The following COL26A1 variants were observed in gnomAD, a reference collection of about 807,000 sequenced individuals.
COL26A1 encodes collagen type XXVI alpha 1 chain.
Under a neutral mutation model 59.3 loss-of-function variants are expected in COL26A1, and 41 were observed. The ratio of observed to expected loss-of-function variants is 0.69; its 90% CI spans 0.54 to 0.90. The LOEUF (loss-of-function observed/expected upper bound fraction) is 0.90, where lower values mean the gene tolerates loss of function less well. Ranked by LOEUF, COL26A1 falls within the 40% of genes least tolerant of loss-of-function variation. The pLI is 0.00. For missense variants in COL26A1, 612 were observed against 602.3 expected (o/e 1.02, Z -0.17); for synonymous variants, 266 against 256.0 (o/e 1.04, Z -0.37).
At chr7:101,463,917 T>TTCTTTTTCTTTCTC (rs1793695109) in intron 3 of COL26A1, among the ~76,000 whole-genome samples, 1 of 143,126 alleles carries the variant, frequency 7.0e-6, no homozygotes, top group Non-Finnish European at 1.5e-5. Flanking sequence ...CTTTCTCTCT[T>TTCTTTTTCTTTCTC]TCTTTCTTCT....
chr7:101,425,076 C>T (rs1278643728), intron 2 of COL26A1, among the ~76,000 whole-genome samples: 1 of 151,826 alleles, frequency 6.6e-6, no homozygotes, highest in East Asian at 1.9e-4. Context: ...GCACACACCA[C>T]CATGCCCAGT....
chr7:101,534,674 CACAT>C (rs1029779540), intron 4 of COL26A1, among the ~76,000 whole-genome samples: 9 of 141,806 alleles, frequency 6.3e-5, no homozygotes, highest in South Asian at 2.2e-4. Flanking sequence ...CACACACACA[CACAT>C]GACACAACTG....
chr7:101,467,605 C>T (rs1055694453), intron 3 of COL26A1, among the ~76,000 whole-genome samples: 9 of 151,622 alleles, frequency 5.9e-5, no homozygotes, highest in Admixed American at 4.0e-4. Context: ...CGGTGGCTCA[C>T]GCCTGTAATC....
At chr7:101,515,031 T>C (rs1339548149) in intron 3 of COL26A1, among the ~76,000 whole-genome samples, 1 of 152,218 alleles carries the variant, frequency 6.6e-6, no homozygotes, top group Non-Finnish European at 1.5e-5. Flanking sequence ...TGAGTCCAGC[T>C]GGGCTCCCAG....
chr7:101,444,627 C>T (rs1241536034), intron 2 of COL26A1, among the ~76,000 whole-genome samples: 1 of 151,940 alleles, frequency 6.6e-6, no homozygotes, highest in African/African-American at 2.4e-5. Flanking sequence ...GTTGGGCAGG[C>T]TGGTCTTGAA....
intron 2 of COL26A1, among the ~76,000 whole-genome samples, chr7:101,441,369 TG>T (rs376404052): frequency 6.7e-4 from 102 of 152,304 alleles, no homozygotes; most frequent in African/African-American, 2.4e-3. Context: ...TGGAGTGCAG[TG>T]GTGCAATCTC....
intron 3 of COL26A1, among the ~76,000 whole-genome samples, chr7:101,532,350 ACT>A (rs1186530890): frequency 6.6e-6 from 1 of 151,998 alleles, no homozygotes; most frequent in Non-Finnish European, 1.5e-5. Context: ...ACCTACAGAC[ACT>A]GCCACAGCCC....
At chr7:101,428,357 CAAAAA>C (rs10565419) in intron 2 of COL26A1, among the ~76,000 whole-genome samples, 10 of 130,584 alleles carry the variant, frequency 7.7e-5, no homozygotes, top group Non-Finnish European at 6.5e-5. Context: ...GACCCTGTCT[CAAAAA>C]AAAAAAAAAA....
At chr7:101,424,529 C>T (rs552480355) in intron 2 of COL26A1, among the ~76,000 whole-genome samples, 164 of 151,764 alleles carry the variant, frequency 1.1e-3, no homozygotes, top group Non-Finnish European at 1.7e-3. Flanking sequence ...ACCTGGGAAG[C>T]GGAGGCTGCA....
chr7:101,550,590 A>G (rs769044878), intron 9 of COL26A1, among the ~76,000 whole-genome samples: 82 of 150,198 alleles, frequency 5.5e-4, no homozygotes, highest in Admixed American at 1.8e-3. Flanking sequence ...GTCTGTCAGG[A>G]GCAGCTGGGA....
intron 3 of COL26A1, among the ~76,000 whole-genome samples, chr7:101,476,788 C>T (rs1388507334): frequency 6.6e-6 from 1 of 151,114 alleles, no homozygotes; most frequent in Non-Finnish European, 1.5e-5. Flanking sequence ...ACCTCGTGAT[C>T]CACCCACCTC....
intron 7 of COL26A1, 40 bp downstream of exon 7, chr7:101,545,530 A>C: frequency 6.4e-7 from 1 of 1,573,170 alleles, no homozygotes; most frequent in Non-Finnish European, 8.6e-7. Flanking sequence ...GGGCTGAGCT[A>C]CGCTGTGTTC....
chr7:101,388,300 C>G (rs368386286), intron 1 of COL26A1, among the ~76,000 whole-genome samples: 3 of 151,682 alleles, frequency 2.0e-5, no homozygotes, highest in East Asian at 4.1e-4. Flanking sequence ...TGGTGAAACC[C>G]TGTCTCCACT....
intron 3 of COL26A1, among the ~76,000 whole-genome samples, chr7:101,529,510 C>T (rs1194872497): frequency 1.3e-5 from 2 of 152,116 alleles, no homozygotes; most frequent in Non-Finnish European, 2.9e-5. Flanking sequence ...CCTCTCACCT[C>T]GGCCTCCCAA....
chr7:101,447,656 T>TG (rs777734702), intron 2 of COL26A1, 28 bp from the exon 3 acceptor site: 1 of 1,445,388 alleles, frequency 6.9e-7, no homozygotes, highest in Non-Finnish European at 9.5e-7. Context: ...TGGGAGCTCA[T>TG]GCCCCCCTGA....
intron 3 of COL26A1, among the ~76,000 whole-genome samples, chr7:101,494,789 A>C (rs544184647): frequency 6.6e-6 from 1 of 152,276 alleles, no homozygotes; most frequent in African/African-American, 2.4e-5. Flanking sequence ...AATGGTATGA[A>C]CGTGACTTGG....
chr7:101,500,731 G>A (rs1293413632), intron 3 of COL26A1, among the ~76,000 whole-genome samples: 2 of 152,102 alleles, frequency 1.3e-5, no homozygotes, highest in Non-Finnish European at 2.9e-5. Flanking sequence ...TGAGGCGGGA[G>A]AATCACTTGA....
chr7:101,539,403 G>A lies in COL26A1; in HGVS notation c.448-490G>A, dbSNP rs561293060. On this transcript the variant is annotated intron_variant, in intron 4 of 12. Transcript: ENST00000313669. ...CTGTCACCCAGGCTGGAGCGCAGTG[G>A]CACAATCATAACTCACTGTAGCCTT... 4.0e-5 allele frequency among the ~76,000 whole-genome samples: 6 copies of A among 151,820 alleles called. No homozygotes were observed. The South Asian group carries it at 1.0e-3, about 26-fold the overall frequency.
chr7:101,516,356 T>C (rs1795028609), intron 3 of COL26A1, among the ~76,000 whole-genome samples: 1 of 152,092 alleles, frequency 6.6e-6, no homozygotes, highest in African/African-American at 2.4e-5. Context: ...ACTGCAGCCT[T>C]GACCTCCTTA....
Sources: gnomAD v4.1 joint callset for allele counts (sites outside exome capture counted in the v4.1 genomes callset) on GRCh38, gnomAD v4.1.1 for gene constraint, MANE v1.5 for transcripts, NCBI Gene and HGNC (gene_info 2026-07-23, HGNC 2026-07-21) for gene names.